RARB: variants seen among roughly 807,000 people sequenced by gnomAD.
RARB encodes the protein retinoic acid receptor beta.
In RARB, 17 loss-of-function variants were observed where a neutral mutation model predicts 51.9. That is an observed-to-expected ratio of 0.33 (90% CI 0.22 to 0.49). RARB has a LOEUF of 0.49. Ranked by LOEUF, RARB falls within the 20% of genes least tolerant of loss-of-function variation. The pLI, the probability that RARB is intolerant of heterozygous loss-of-function variation, is 0.99. For synonymous variants in RARB, 215 were observed against 195.4 expected (o/e 1.10, Z -0.84); for missense variants, 369 against 550.8 (o/e 0.67, Z 3.30).
chr3:25,227,542 G>A (rs1031405302), intron 5 of RARB, among the ~76,000 whole-genome samples: 1 of 151,956 alleles, frequency 6.6e-6, no homozygotes, highest in Non-Finnish European at 1.5e-5. Context: ...AATTCCTCTA[G>A]AAAGTAATTG....
intron 5 of RARB, among the ~76,000 whole-genome samples, chr3:25,187,964 T>G (rs531701382): frequency 1.3e-5 from 2 of 152,162 alleles, no homozygotes; most frequent in East Asian, 1.9e-4. Context: ...GGTGACTGAT[T>G]AGAGAATGAA....
chr3:25,221,140 A>T (rs1327911646), intron 5 of RARB, among the ~76,000 whole-genome samples: 3 of 152,232 alleles, frequency 2.0e-5, no homozygotes, highest in Non-Finnish European at 2.9e-5. Context: ...AATGGAACTA[A>T]TCAAACAAGG....
chr3:24,976,827 T>C (rs1482240785), intron 2 of RARB, among the ~76,000 whole-genome samples: 1 of 152,218 alleles, frequency 6.6e-6, no homozygotes, highest in East Asian at 1.9e-4. Context: ...AGACATGAAG[T>C]CCTTGCCCAT....
At chr3:25,333,485 T>C (rs564926602) in intron 5 of RARB, among the ~76,000 whole-genome samples, 80 of 152,132 alleles carry the variant, frequency 5.3e-4, no homozygotes, top group African/African-American at 1.9e-3. Context: ...TGTAGAAAGC[T>C]GAAACTGGAT....
At chr3:25,021,766 AACAGTGTTGGCCAGAAAGAC>A (rs1356837137) in intron 2 of RARB, among the ~76,000 whole-genome samples, 1 of 152,116 alleles carries the variant, frequency 6.6e-6, no homozygotes, top group East Asian at 1.9e-4. Flanking sequence ...GTGCCAAAGA[AACAGTGTTGGCCAGAAAGAC>A]ACAAGTCACT....
intron 5 of RARB, among the ~76,000 whole-genome samples, chr3:25,206,524 C>A (rs751402767): frequency 2.2e-4 from 33 of 152,046 alleles, no homozygotes; most frequent in Non-Finnish European, 4.3e-4. Flanking sequence ...TCATTTTGAA[C>A]CTTTCGAGAA....
At chr3:24,950,834 G>T (rs1559408517) in intron 2 of RARB, among the ~76,000 whole-genome samples, 1 of 152,076 alleles carries the variant, frequency 6.6e-6, no homozygotes, top group Non-Finnish European at 1.5e-5. Context: ...ATTTTTCAAA[G>T]TGTGGTCCCT....
In RARB at chr3:25,093,581, T is replaced by C. The variant is rs143630378; in HGVS notation, c.-328+33405T>C. 6.5e-3 allele frequency among the ~76,000 whole-genome samples: 990 copies of C among 152,298 alleles called. 9 individuals carry two copies. Among genetic ancestry groups the C allele is most frequent in the African/African-American group, 0.023 (966 of 41,578 alleles). On this transcript the variant is annotated intron_variant, in intron 3 of 11. Transcript: ENST00000383772. ...GATGAGCCTGAATTCTGCTTACATG[T>C]AGACATAAACAATTACCTGCCATTA...
At chr3:25,419,133 G>A (rs1405893078) in intron 5 of RARB, among the ~76,000 whole-genome samples, 1 of 151,990 alleles carries the variant, frequency 6.6e-6, no homozygotes, top group Admixed American at 6.6e-5. Context: ...TAAGCTGGGG[G>A]GAATTTAGCA....
chr3:25,073,989 A>T (rs1698821532), intron 3 of RARB, among the ~76,000 whole-genome samples: 1 of 152,232 alleles, frequency 6.6e-6, no homozygotes, highest in Non-Finnish European at 1.5e-5. Flanking sequence ...AGTACATGAC[A>T]AAATCTTGAC....
At chr3:25,257,093 C>T (rs1447767285) in intron 5 of RARB, among the ~76,000 whole-genome samples, 1 of 152,084 alleles carries the variant, frequency 6.6e-6, no homozygotes, top group African/African-American at 2.4e-5. Flanking sequence ...AGAACATCTG[C>T]CCCTGAATGA....
chr3:24,930,801 G>A (rs1263536391), intron 2 of RARB, among the ~76,000 whole-genome samples: 2 of 152,190 alleles, frequency 1.3e-5, no homozygotes, highest in East Asian at 3.9e-4. Flanking sequence ...CAGAGGCCAG[G>A]AGTTAGAGAC....
chr3:25,510,356 GC>G (rs1697826539), intron 3 of RARB, among the ~76,000 whole-genome samples: 1 of 152,168 alleles, frequency 6.6e-6, no homozygotes, highest in Non-Finnish European at 1.5e-5. Flanking sequence ...GGGCACAGTG[GC>G]CCACACCTGT....
At chr3:24,931,403 T>TA (rs1695437414) in intron 2 of RARB, among the ~76,000 whole-genome samples, 2 of 151,646 alleles carry the variant, frequency 1.3e-5, no homozygotes, top group African/African-American at 4.8e-5. Flanking sequence ...TACTTCCCCT[T>TA]TAGCTAGGGT....
chr3:25,349,746 T>G (rs1705502818), intron 5 of RARB, among the ~76,000 whole-genome samples: 1 of 152,226 alleles, frequency 6.6e-6, no homozygotes, highest in Non-Finnish European at 1.5e-5. Flanking sequence ...AAAGTCATTT[T>G]TTTTCAATAA....
intron 5 of RARB, among the ~76,000 whole-genome samples, chr3:25,375,994 G>A (rs1340476385): frequency 1.3e-5 from 2 of 152,150 alleles, no homozygotes; most frequent in African/African-American, 2.4e-5. Flanking sequence ...AACTCTTCAG[G>A]ATTAATGAGG....
chr3:25,507,583 C>A (rs1697673557), intron 3 of RARB, among the ~76,000 whole-genome samples: 1 of 152,124 alleles, frequency 6.6e-6, no homozygotes, highest in Non-Finnish European at 1.5e-5. Context: ...AGGGCTTTTG[C>A]CAGTGAAAAA....
chr3:24,956,168 C>G (rs1390654631), intron 2 of RARB, among the ~76,000 whole-genome samples: 1 of 152,088 alleles, frequency 6.6e-6, no homozygotes, highest in Non-Finnish European at 1.5e-5. Context: ...TACTGAAGTA[C>G]TACATTTTGG....
intron 2 of RARB, among the ~76,000 whole-genome samples, chr3:25,044,034 TTTAA>T (rs903007870): frequency 2.0e-5 from 3 of 152,078 alleles, no homozygotes; most frequent in Non-Finnish European, 1.5e-5. Flanking sequence ...CCATTTTTTT[TTTAA>T]TTAGAGTTTC....
Sources: gnomAD v4.1 joint callset for allele counts (sites outside exome capture counted in the v4.1 genomes callset) on GRCh38, gnomAD v4.1.1 for gene constraint, MANE v1.5 for transcripts, NCBI Gene and HGNC (gene_info 2026-07-23, HGNC 2026-07-21) for gene names.